Variants in KIAA1217 observed in about 807,000 individuals in gnomAD.
KIAA1217 encodes the protein KIAA1217, also known as sickle tail protein homolog.
A neutral mutation model predicts 163.9 loss-of-function variants in KIAA1217; 88 were observed. The observed-to-expected ratio is 0.54, with a 90% CI of 0.45 to 0.64. KIAA1217 has a LOEUF of 0.64. KIAA1217 is among the 30% of genes least tolerant of loss of function. KIAA1217 has a pLI of 0.00. For synonymous variants in KIAA1217, 903 were observed against 923.1 expected, an observed-to-expected ratio of 0.98 and a Z score of 0.39; for missense variants, 2,372 against 2,475.0, an observed-to-expected ratio of 0.96 and a Z score of 0.88.
chr10:24,107,062 T>C (rs908465858), intron 2 of KIAA1217, among the ~76,000 whole-genome samples: 3 of 152,198 alleles, frequency 2.0e-5, no homozygotes, highest in African/African-American at 7.2e-5. Context: ...TAAATCCCAA[T>C]GTCTGTTGTT....
At chr10:24,157,661 C>A (rs1170185818) in intron 2 of KIAA1217, among the ~76,000 whole-genome samples, 4 of 151,598 alleles carry the variant, frequency 2.6e-5, no homozygotes, top group African/African-American at 9.7e-5. Context: ...AATTAGCACA[C>A]AAAAAAAATT....
At chr10:23,847,812 G>A (rs2131086065) in intron 1 of KIAA1217, among the ~76,000 whole-genome samples, 1 of 152,106 alleles carries the variant, frequency 6.6e-6, no homozygotes, top group South Asian at 2.1e-4. Flanking sequence ...TGATGTTAGG[G>A]TGTCGATTTT....
intron 1 of KIAA1217, among the ~76,000 whole-genome samples, chr10:23,914,394 AG>A (rs1187255364): frequency 6.6e-6 from 1 of 152,152 alleles, no homozygotes; most frequent in Non-Finnish European, 1.5e-5. Flanking sequence ...AGCTCACTGC[AG>A]CCTCCAATTC....
At chr10:23,908,903 A>G (rs1258861240) in intron 1 of KIAA1217, among the ~76,000 whole-genome samples, 1 of 152,164 alleles carries the variant, frequency 6.6e-6, no homozygotes, top group Non-Finnish European at 1.5e-5. Flanking sequence ...ACCTTGAGGA[A>G]AAGAAGACAT....
intron 1 of KIAA1217, among the ~76,000 whole-genome samples, chr10:23,782,930 G>T (rs978370038): frequency 1.3e-5 from 2 of 152,136 alleles, no homozygotes; most frequent in African/African-American, 2.4e-5. Flanking sequence ...TAGAGGAAAA[G>T]ATTACAGTTT....
rs183746428 is a variant in KIAA1217, at chr10:24,257,253, T to C, written c.354+37344T>C. 1.3e-4 allele frequency among the ~76,000 whole-genome samples: 20 copies of C among 152,202 alleles called. No individual in the cohort carries two copies. In the East Asian group the frequency reaches 3.7e-3, roughly 28 times the overall value. On this transcript the variant is annotated intron_variant, in intron 2 of 20. Coordinates refer to ENST00000376454, the MANE Select transcript of KIAA1217 (RefSeq NM_019590.5). ...AATGGCTTTAAAAAACTTTGGTGTA[T>C]TGGGGGAATGGAAACAAAGATATTT...
intron 2 of KIAA1217, among the ~76,000 whole-genome samples, chr10:24,118,151 T>TAA (rs75931103): frequency 1.5e-4 from 19 of 123,372 alleles, no homozygotes; most frequent in Admixed American, 5.0e-4. Flanking sequence ...AAATAACGGT[T>TAA]AAAAAAAAAA....
intron 2 of KIAA1217, among the ~76,000 whole-genome samples, chr10:24,067,923 G>GGTGTAGGACCCTCAGAGCCTT (rs371307534): frequency 0.026 from 3,884 of 152,056 alleles, 163 homozygotes; most frequent in African/African-American, 0.089. Flanking sequence ...AGGCTCCATG[G>GGTGTAGGACCCTCAGAGCCTT]GTGTAGGACC....
chr10:24,198,903 G>A (rs556281411), intron 2 of KIAA1217, among the ~76,000 whole-genome samples: 5 of 152,258 alleles, frequency 3.3e-5, no homozygotes, highest in African/African-American at 9.6e-5. Flanking sequence ...GAACTACTAG[G>A]CCTTAGGAGG....
At chr10:24,491,442 A>G (rs2066134216) in intron 6 of KIAA1217, among the ~76,000 whole-genome samples, 1 of 151,786 alleles carries the variant, frequency 6.6e-6, no homozygotes, top group Non-Finnish European at 1.5e-5. Context: ...GTCATGTGCC[A>G]CCACACCCAG....
At chr10:24,019,403 A>AT (rs994755193) in intron 2 of KIAA1217, among the ~76,000 whole-genome samples, 11 of 151,888 alleles carry the variant, frequency 7.2e-5, no homozygotes, top group African/African-American at 2.7e-4. Context: ...ATGCAAAAAA[A>AT]ATTTAAAAAA....
chr10:24,100,576 C>T (rs1296473426), intron 2 of KIAA1217, among the ~76,000 whole-genome samples: 3 of 152,190 alleles, frequency 2.0e-5, no homozygotes, highest in African/African-American at 7.2e-5. Flanking sequence ...GTAAGACAAG[C>T]ACTTAATACT....
At chr10:23,964,306 T>C (rs1844958841) in intron 1 of KIAA1217, among the ~76,000 whole-genome samples, 1 of 151,660 alleles carries the variant, frequency 6.6e-6, no homozygotes, top group Non-Finnish European at 1.5e-5. Flanking sequence ...TTTTTTTTTT[T>C]TGTAAATTTG....
chr10:24,441,124 G>A (rs930235664), intron 5 of KIAA1217, among the ~76,000 whole-genome samples: 3 of 152,292 alleles, frequency 2.0e-5, no homozygotes, highest in South Asian at 2.1e-4. Flanking sequence ...TGCAGCGTGG[G>A]GTTAGGGAAC....
At chr10:24,400,503 C>A (rs2056398648) in intron 3 of KIAA1217, among the ~76,000 whole-genome samples, 1 of 152,164 alleles carries the variant, frequency 6.6e-6, no homozygotes, top group Non-Finnish European at 1.5e-5. Context: ...CAAATCTTGG[C>A]TCTTAAAGCT....
intron 1 of KIAA1217, among the ~76,000 whole-genome samples, chr10:23,706,210 T>G (rs1836874263): frequency 6.6e-6 from 1 of 152,140 alleles, no homozygotes; most frequent in African/African-American, 2.4e-5. Flanking sequence ...GAATAGACAG[T>G]TTTATTTATT....
intron 2 of KIAA1217, among the ~76,000 whole-genome samples, chr10:24,366,501 T>C (rs2050802040): frequency 6.6e-6 from 1 of 152,226 alleles, no homozygotes; most frequent in Non-Finnish European, 1.5e-5. Flanking sequence ...AATTAAAATA[T>C]TTAAATGCTT....
At chr10:23,886,919 T>C (rs1046874000) in intron 1 of KIAA1217, among the ~76,000 whole-genome samples, 5 of 151,860 alleles carry the variant, frequency 3.3e-5, no homozygotes, top group Non-Finnish European at 7.4e-5. Context: ...CTCCAACTGC[T>C]GTAACCAGTA....
intron 2 of KIAA1217, among the ~76,000 whole-genome samples, chr10:24,045,005 C>A (rs561184393): frequency 6.6e-6 from 1 of 152,108 alleles, no homozygotes; most frequent in South Asian, 2.1e-4. Context: ...AAAGCACATT[C>A]CCAATAAGCT....
Sources: allele counts gnomAD v4.1 joint callset (sites outside exome capture counted in the v4.1 genomes callset), GRCh38; gene constraint gnomAD v4.1.1; transcripts MANE v1.5; gene names NCBI Gene and HGNC (gene_info 2026-07-23, HGNC 2026-07-21).